The following GTPBP6 variants were observed in gnomAD, a reference collection of about 807,000 sequenced individuals.
GTPBP6 encodes the protein putative GTP-binding protein 6.
In GTPBP6, 33 loss-of-function variants were observed where a neutral mutation model predicts 28.9. The observed-to-expected ratio is 1.14, with a 90% CI of 0.87 to 1.53. GTPBP6 has a LOEUF of 1.53. GTPBP6 is among the 40% of genes most tolerant of loss of function. The pLI is 0.00. For synonymous variants in GTPBP6, 231 were observed against 192.7 expected (o/e 1.20, Z -1.65); for missense variants, 507 against 408.3 (o/e 1.24, Z -2.08).
intron 6 of GTPBP6, chrX:312,043 C>G (rs9652803): frequency 2.2e-6 from 1 of 454,542 alleles, no homozygotes; most frequent in African/African-American, 2.0e-5. Flanking sequence ...GCAGTGGTGC[C>G]GGTGTTGACA....
At chrX:313,265 C>G (rs1021351180) in intron 5 of GTPBP6, among the ~76,000 whole-genome samples, 7 of 152,192 alleles carry the variant, frequency 4.6e-5, no homozygotes, top group African/African-American at 1.4e-4. Flanking sequence ...CTTTCACATC[C>G]GAAGTCCCAG....
intron 5 of GTPBP6, 54 bp downstream of exon 5, chrX:314,096 G>A (rs984603438): frequency 2.7e-5 from 35 of 1,307,816 alleles, no homozygotes; most frequent in African/African-American, 2.5e-4. Flanking sequence ...GGTGGCTGCC[G>A]CTGACAACCG....
exon 10 of GTPBP6, chrX:305,126 A>C: frequency 6.2e-7 from 1 of 1,613,228 alleles, no homozygotes; most frequent in Non-Finnish European, 8.5e-7. Context: ...GCTGATGATG[A>C]CCCTCACGTC....
chrX:305,205 C>T lies in GTPBP6; in HGVS notation c.1428-8G>A, dbSNP rs1235922037. 3.7e-6 allele frequency: 6 copies of T among 1,608,498 alleles called. No homozygotes were observed. The highest frequency in any genetic ancestry group is 5.1e-6 in the Non-Finnish European group (6 of 1,174,940). ...GCCTCCTTATACAGCCAGCTGGGCACAGATGCGCGTTGTATGGAGACAAGC... is the reference window on the plus strand; with the variant it reads ...GCCTCCTTATACAGCCAGCTGGGCATAGATGCGCGTTGTATGGAGACAAGC... On this transcript the variant is annotated splice_polypyrimidine_tract_variant and splice_region_variant and intron_variant, in intron 9 of 9. Coordinates refer to ENST00000326153, the Ensembl canonical transcript of GTPBP6.
rs193212481 is a variant in GTPBP6, at chrX:307,820, C to T, written c.1186G>A (p.Val396Ile). The T allele has an allele frequency of 2.2e-4, 338 of 1,552,046 alleles. 1 individual carries two copies. The African/African-American group carries it at 3.2e-3, about 15-fold the overall frequency. ...TGCAGGCCACGCAGCGTGGACAGAA[C>T]GCTGCATTTCTGGAGCTCCGCCTCG... The change falls in exon 8 of 10, where the codon GTT becomes ATT. Residue 396 changes from valine to isoleucine, a missense_variant. Val to Ile is a conservative substitution (Grantham distance 29). Coordinates refer to ENST00000326153, the Ensembl canonical transcript of GTPBP6.
At chrX:312,890 C>G (rs146514860) in exon 6 of GTPBP6, 3 of 1,612,758 alleles carry the variant, frequency 1.9e-6, no homozygotes, top group East Asian at 4.5e-5. Flanking sequence ...CCTTCTCTCT[C>G]AGGAGACGCT....
At chrX:307,609 G>C (rs1189804853) in intron 8 of GTPBP6, 97 bp from the exon 9 acceptor site, 1 of 1,460,544 alleles carries the variant, frequency 6.8e-7, no homozygotes, top group Admixed American at 2.1e-5. Context: ...GCACAGTCTG[G>C]GGCCACTCCC....
chrX:305,669 G>A, intron 9 of GTPBP6, among the ~76,000 whole-genome samples: 2 of 148,748 alleles, frequency 1.3e-5, no homozygotes, highest in South Asian at 4.2e-4. Context: ...TCTGTCGCCA[G>A]GCTGGGGTGC....
Position 318,461 on chromosome X carries a change from C to T in GTPBP6, c.327G>A (p.Pro109=), listed in dbSNP as rs1436947996. ...CACCTCGAGTCATCTGCGACTTCCCCGGGCCCCACTTGACGTCAGGGTGAA... is the reference window on the plus strand; with the variant it reads ...CACCTCGAGTCATCTGCGACTTCCCTGGGCCCCACTTGACGTCAGGGTGAA... Residue 109 remains proline, a synonymous_variant, in exon 1 of 10, where the codon CCG becomes CCA. Transcript: ENST00000326153. 1.3e-5 allele frequency: 5 copies of T among 398,566 alleles called. No homozygotes were observed. In the East Asian group the frequency reaches 1.8e-4, roughly 14 times the overall value. 24.7% of individuals were successfully genotyped at this position (398,566 alleles called of 1,614,324 possible). A position where few individuals can be genotyped will look rare whatever the true frequency, so the allele number is the denominator to read the frequency against.
chrX:312,633 C>T (rs746908624), intron 6 of GTPBP6, 133 bp downstream of exon 6: 4 of 936,062 alleles, frequency 4.3e-6, no homozygotes, highest in South Asian at 4.1e-5. Flanking sequence ...GGAACCCCCT[C>T]TCCTGGGCAC....
At chrX:311,978 G>A in intron 6 of GTPBP6, 1 of 547,796 alleles carries the variant, frequency 1.8e-6, no homozygotes, top group African/African-American at 1.9e-5. Flanking sequence ...GTGTGGATGG[G>A]AGGATGGTGT....
intron 4 of GTPBP6, among the ~76,000 whole-genome samples, chrX:314,503 C>CCCAG (rs2070388855): frequency 6.7e-6 from 1 of 150,066 alleles, no homozygotes; most frequent in Non-Finnish European, 1.5e-5. Flanking sequence ...GACGGAGTCT[C>CCCAG]GCTCTGTCAC....
chrX:307,734 G>T, exon 8 of GTPBP6: 1 of 1,477,930 alleles, frequency 6.8e-7, no homozygotes, highest in East Asian at 2.4e-5. Flanking sequence ...GGACTCACCC[G>T]GGCACGAGGT....
At chrX:315,553 G>T in intron 2 of GTPBP6, among the ~76,000 whole-genome samples, 1 of 110,394 alleles carries the variant, frequency 9.1e-6, no homozygotes, top group Non-Finnish European at 2.0e-5. Context: ...TACACACGCA[G>T]ACACACACAC....
intron 2 of GTPBP6, among the ~76,000 whole-genome samples, 181 bp from the exon 3 acceptor site, chrX:315,480 G>C (rs1435436866): frequency 4.6e-5 from 7 of 151,190 alleles, no homozygotes; most frequent in South Asian, 2.1e-4. Flanking sequence ...GTCTCTAGGA[G>C]TGTGTGTCTC....
chrX:318,782 C>G, exon 1 of GTPBP6: 1 of 306,680 alleles, frequency 3.3e-6, no homozygotes, highest in Non-Finnish European at 6.0e-6. Flanking sequence ...CCCGCAGGGC[C>G]CACATGGCGC....
intron 7 of GTPBP6, among the ~76,000 whole-genome samples, 191 bp downstream of exon 7, chrX:311,228 C>A (rs925093610): frequency 1.8e-5 from 1 of 56,418 alleles, no homozygotes; most frequent in African/African-American, 8.2e-5. Flanking sequence ...TTGTGTGTGT[C>A]TGAGTGCCTG....
intron 9 of GTPBP6, among the ~76,000 whole-genome samples, chrX:305,540 C>G (rs1275492736): frequency 6.6e-6 from 1 of 150,908 alleles, no homozygotes; most frequent in Non-Finnish European, 1.5e-5. Flanking sequence ...CCAGGATGGT[C>G]TCGATCTCCT....
exon 7 of GTPBP6, chrX:311,566 C>T (rs1354670376): frequency 1.7e-5 from 28 of 1,612,280 alleles, no homozygotes; most frequent in Non-Finnish European, 2.3e-5. Flanking sequence ...GCGTGGCAAA[C>T]AGCTGGTCCC....
Sources: allele counts gnomAD v4.1 joint callset (sites outside exome capture counted in the v4.1 genomes callset), GRCh38; gene constraint gnomAD v4.1.1; transcripts MANE v1.5; gene names NCBI Gene and HGNC (gene_info 2026-07-23, HGNC 2026-07-21).